The following LAMP1 variants were observed in gnomAD, a reference collection of about 807,000 sequenced individuals.
LAMP1 encodes lysosome associated membrane protein 1.
Under a neutral mutation model 37.5 loss-of-function variants are expected in LAMP1, and 7 were observed. That is an observed-to-expected ratio of 0.19 (90% CI 0.11 to 0.35). The LOEUF is 0.35. Ranked by LOEUF, LAMP1 falls within the 10% of genes least tolerant of loss-of-function variation. LAMP1 has a pLI of 1.00. For synonymous variants in LAMP1, 236 were observed against 229.1 expected (o/e 1.03, Z -0.27); for missense variants, 537 against 552.8 (o/e 0.97, Z 0.29).
rs2042713191 is a variant in LAMP1, at chr13:113,322,875, G to A, written c.*454G>A. ...TGGAATGCCGCTGTCTCTGAGGGGTGGGGGTGCCGCTCTAAATTGGCTCCA... is the reference window on the plus strand; with the variant it reads ...TGGAATGCCGCTGTCTCTGAGGGGTAGGGGTGCCGCTCTAAATTGGCTCCA... On this transcript the variant is annotated 3_prime_UTR_variant, in exon 9 of 9. Transcript: ENST00000332556. The A allele has an allele frequency of 6.4e-6, 1 of 156,784 alleles. No individual in the cohort carries two copies. Among genetic ancestry groups the A allele is most frequent in the East Asian group, 1.9e-4 (1 of 5,202 alleles). The allele number at this position is 156,784 out of a possible 1,614,324, so 9.7% of individuals were successfully genotyped here.
At chr13:113,301,858 C>CTTTTTTTTTTTTTTTTTTTTT (rs539321614) in intron 1 of LAMP1, among the ~76,000 whole-genome samples, 1 of 74,332 alleles carries the variant, frequency 1.3e-5, no homozygotes, top group Admixed American at 1.8e-4. Context: ...GATGTGATTT[C>CTTTTTTTTTTTTTTTTTTTTT]TTTTTTTTTT....
At chr13:113,306,734 C>G in intron 2 of LAMP1, 128 bp downstream of exon 2, 1 of 1,016,278 alleles carries the variant, frequency 9.8e-7, no homozygotes, top group Non-Finnish European at 1.4e-6. Context: ...ATATCTCCTT[C>G]TGGTGTTGTC....
At position 113,323,592 on chromosome 13, in the gene LAMP1, C is replaced by T. The variant is rs997294209; in HGVS notation, c.*1171C>T. 1 of 150,752 alleles carries T rather than the reference C, an allele frequency of 6.6e-6. No homozygotes were observed. Among genetic ancestry groups the T allele is most frequent in the Non-Finnish European group, 1.5e-5 (1 of 67,770 alleles). 9.3% of individuals were successfully genotyped at this position (150,752 alleles called of 1,614,324 possible). A position where few individuals can be genotyped will look rare whatever the true frequency, so the allele number is the denominator to read the frequency against. On this transcript the variant is annotated 3_prime_UTR_variant, in exon 9 of 9. Transcript: ENST00000332556. ...GTAGGGAATGGTGTTGGGAGTGGCCCGAGTGCCTGGCACAGTTGTCTGGTT... is the reference window on the plus strand; with the variant it reads ...GTAGGGAATGGTGTTGGGAGTGGCCTGAGTGCCTGGCACAGTTGTCTGGTT...
At chr13:113,314,278 G>A (rs1251570330) in intron 4 of LAMP1, among the ~76,000 whole-genome samples, 24 of 118,644 alleles carry the variant, frequency 2.0e-4, no homozygotes, top group African/African-American at 3.3e-4. Flanking sequence ...CCCGGAGGGA[G>A]TCAGTGTGGA....
Position 113,320,322 on chromosome 13 carries a change from A to T in LAMP1, c.751-23A>T, listed in dbSNP as rs2042690913. 6.2e-7 allele frequency: 1 copy of T among 1,613,706 alleles called. No homozygotes were observed. The highest frequency in any genetic ancestry group is 1.1e-5 in the South Asian group (1 of 91,084). ...GTGGAGGACCTGAGCTAGGGTGGTG[A>T]CTTGCTTGCTTGTCTTATGCAGACG... On this transcript the variant is annotated intron_variant, in intron 5 of 8. Coordinates refer to ENST00000332556, the MANE Select transcript of LAMP1 (RefSeq NM_005561.4). This position sits in a 1 kb window ranked among gnomAD's most constrained non-coding sequence, Gnocchi z 4.4.
intron 1 of LAMP1, among the ~76,000 whole-genome samples, chr13:113,303,421 G>A (rs2042583792): frequency 6.6e-6 from 1 of 152,146 alleles, no homozygotes; most frequent in Non-Finnish European, 1.5e-5. Context: ...TCACCAGTAG[G>A]CCAGGGTGCC....
At chr13:113,303,117 C>T (rs1191697921) in intron 1 of LAMP1, among the ~76,000 whole-genome samples, 1 of 152,232 alleles carries the variant, frequency 6.6e-6, no homozygotes, top group East Asian at 1.9e-4. Context: ...ACCAAATGCT[C>T]AGCTGCTCCG....
At chr13:113,312,482 G>A (rs2042635662) in intron 4 of LAMP1, among the ~76,000 whole-genome samples, 1 of 152,222 alleles carries the variant, frequency 6.6e-6, no homozygotes, top group South Asian at 2.1e-4. Flanking sequence ...CTTTGCGGCA[G>A]ACTTTGCCTT....
chr13:113,322,344 G>A lies in LAMP1; in HGVS notation c.1177G>A (p.Ala393Thr), dbSNP rs909984779. The change falls in exon 9 of 9, where the codon GCG becomes ACG. Residue 393 changes from alanine to threonine, a missense_variant. Transcript: ENST00000332556. ...CCCCATCGCTGTGGGTGGTGCCCTGGCGGGGCTGGTCCTCATCGTCCTCAT... is the reference window on the plus strand; with the variant it reads ...CCCCATCGCTGTGGGTGGTGCCCTGACGGGGCTGGTCCTCATCGTCCTCAT... ...LIPIAVGGAL[A>T]GLVLIVLIAY... 1.9e-6 allele frequency: 3 copies of A among 1,613,950 alleles called. No individual in the cohort carries two copies. The highest frequency in any genetic ancestry group is 2.5e-6 in the Non-Finnish European group (3 of 1,179,978).
intron 1 of LAMP1, among the ~76,000 whole-genome samples, chr13:113,301,689 A>G (rs1595456749): frequency 7.2e-6 from 1 of 138,392 alleles, no homozygotes; most frequent in African/African-American, 2.7e-5. Context: ...ATATATATAT[A>G]TATTTACACA....
chr13:113,313,754 G>T (rs2042644200), intron 4 of LAMP1, among the ~76,000 whole-genome samples: 1 of 119,840 alleles, frequency 8.3e-6, no homozygotes, highest in Non-Finnish European at 1.7e-5. Flanking sequence ...GAGGGAGTCA[G>T]TGTGGAGATG....
In LAMP1 at chr13:113,301,858, CTTTTT is replaced by C. The variant is rs539321614; in HGVS notation, c.61+4381_61+4385del. On this transcript the variant is annotated intron_variant, in intron 1 of 8. Transcript: ENST00000332556. ...GCCAAGAAAAACTAAGATGTGATTT[CTTTTT>C]TTTTTTTTTTTTTTTTTGAGACGGA... 1.6e-4 allele frequency among the ~76,000 whole-genome samples: 12 copies of C among 74,310 alleles called. 1 individual carries two copies. Among genetic ancestry groups the C allele is most frequent in the African/African-American group, 4.6e-4 (9 of 19,560 alleles). 48.8% of individuals were successfully genotyped at this position (74,310 alleles called of 152,430 possible). A position where few individuals can be genotyped will look rare whatever the true frequency, so the allele number is the denominator to read the frequency against.
At chr13:113,306,284 G>T in intron 1 of LAMP1, 1 of 406,340 alleles carries the variant, frequency 2.5e-6, no homozygotes, top group East Asian at 4.9e-5. Flanking sequence ...TTGAACCTGG[G>T]AGGTGGAGGT....
At chr13:113,319,741 C>A in intron 5 of LAMP1, 85 bp downstream of exon 5, 1 of 1,275,080 alleles carries the variant, frequency 7.8e-7, no homozygotes, top group Non-Finnish European at 1.1e-6. Context: ...ACACGCGTCT[C>A]TGCACGTCAT....
At chr13:113,314,151 C>A (rs1478952211) in intron 4 of LAMP1, among the ~76,000 whole-genome samples, 5 of 85,918 alleles carry the variant, frequency 5.8e-5, no homozygotes, top group East Asian at 3.8e-4. Context: ...TGGAGATGCC[C>A]GTGTGCCTGG....
At chr13:113,304,248 G>T (rs117706518) in intron 1 of LAMP1, among the ~76,000 whole-genome samples, 1 of 152,142 alleles carries the variant, frequency 6.6e-6, no homozygotes, top group African/African-American at 2.4e-5. Flanking sequence ...GCTCCCATGT[G>T]GGCATCCGGG....
chr13:113,317,699 T>G (rs922600386), intron 4 of LAMP1, among the ~76,000 whole-genome samples: 4 of 150,138 alleles, frequency 2.7e-5, no homozygotes, highest in Admixed American at 6.6e-5. Context: ...GAAGCTGCTT[T>G]TTTTTTTTTT....
intron 2 of LAMP1, among the ~76,000 whole-genome samples, chr13:113,309,100 G>A (rs1347515819): frequency 3.3e-5 from 5 of 152,060 alleles, no homozygotes; most frequent in Non-Finnish European, 7.4e-5. Context: ...ATGAATTTAT[G>A]GGGTTGTTTT....
At chr13:113,300,189 T>C (rs927937186) in intron 1 of LAMP1, among the ~76,000 whole-genome samples, 2 of 152,144 alleles carry the variant, frequency 1.3e-5, no homozygotes, top group African/African-American at 4.8e-5. Flanking sequence ...GTTTGAACAA[T>C]TTTATACTCG....
Sources: allele counts gnomAD v4.1 joint callset (sites outside exome capture counted in the v4.1 genomes callset), GRCh38; gene constraint gnomAD v4.1.1; non-coding constraint Gnocchi (gnomAD v3.1); transcripts MANE v1.5; gene names NCBI Gene and HGNC (gene_info 2026-07-23, HGNC 2026-07-21).